Variants in CNTNAP5 observed in about 807,000 individuals in gnomAD.
CNTNAP5 encodes contactin associated protein family member 5.
CNTNAP5 carries 72 observed loss-of-function variants against 150.2 expected under a neutral mutation model. The observed-to-expected ratio is 0.48, with a 90% CI of 0.40 to 0.58. The LOEUF is 0.58. Ranked by LOEUF, CNTNAP5 falls within the 20% of genes least tolerant of loss-of-function variation. CNTNAP5 has a pLI of 0.00. For missense variants in CNTNAP5, 1,636 were observed against 1,626.2 expected (o/e 1.01, Z -0.10); for synonymous variants, 672 against 619.8 (o/e 1.08, Z -1.25).
At chr2:124,032,238 C>T (rs553423959) in intron 1 of CNTNAP5, among the ~76,000 whole-genome samples, 1 of 152,216 alleles carries the variant, frequency 6.6e-6, no homozygotes, top group African/African-American at 2.4e-5. Flanking sequence ...AAAACAAATT[C>T]ATCTAAGATT....
intron 3 of CNTNAP5, among the ~76,000 whole-genome samples, chr2:124,331,652 C>T (rs1265812904): frequency 6.6e-6 from 1 of 151,656 alleles, no homozygotes; most frequent in African/African-American, 2.4e-5. Context: ...AAATAATAGT[C>T]ATTCATTCCA....
intron 3 of CNTNAP5, among the ~76,000 whole-genome samples, chr2:124,416,052 T>TC (rs981634582): frequency 7.2e-5 from 11 of 152,182 alleles, no homozygotes; most frequent in African/African-American, 2.4e-4. Flanking sequence ...AGTTTTTTTT[T>TC]CTCTCTAATA....
intron 3 of CNTNAP5, among the ~76,000 whole-genome samples, chr2:124,384,305 A>G (rs1040232766): frequency 2.0e-5 from 3 of 152,162 alleles, no homozygotes; most frequent in African/African-American, 7.2e-5. Flanking sequence ...CTATGCATAA[A>G]ATGTATCACT....
intron 6 of CNTNAP5, among the ~76,000 whole-genome samples, chr2:124,469,723 C>T (rs1693459087): frequency 6.6e-6 from 1 of 152,104 alleles, no homozygotes; most frequent in Non-Finnish European, 1.5e-5. Flanking sequence ...CTGATGCTCT[C>T]CCTCCTCCCA....
chr2:124,780,046 C>T (rs1249144325), intron 17 of CNTNAP5, among the ~76,000 whole-genome samples: 1 of 152,130 alleles, frequency 6.6e-6, no homozygotes, highest in South Asian at 2.1e-4. Flanking sequence ...GAAGGCAGAG[C>T]TCCCCGTGCC....
At chr2:124,205,421 CT>C (rs1244599337) in intron 1 of CNTNAP5, among the ~76,000 whole-genome samples, 170 of 142,262 alleles carry the variant, frequency 1.2e-3, no homozygotes, top group Admixed American at 1.3e-3. Context: ...CTTTTCTTTT[CT>C]TTTTTTTTTT....
chr2:124,830,728 A>G (rs1192434687), intron 19 of CNTNAP5, among the ~76,000 whole-genome samples: 1 of 152,074 alleles, frequency 6.6e-6, no homozygotes, highest in Non-Finnish European at 1.5e-5. Context: ...TGGACCTTCA[A>G]GATAAACATT....
rs182191440 is a variant in CNTNAP5 at position 124,881,578 on chromosome 2, A to G, written c.3436+11816A>G. 2.6e-5 allele frequency among the ~76,000 whole-genome samples: 4 copies of G among 152,154 alleles called. No homozygotes were observed. In the East Asian group the frequency reaches 7.8e-4, roughly 30 times the overall value. The stretch of plus-strand genomic sequence containing the variant: ...CTGCTCAGCTGCTTCTGGATTTGAG[A>G]AATCCCTGTCATCAAGAACAGGGGG... On this transcript the variant is annotated intron_variant, in intron 21 of 23. Transcript: ENST00000682447.
At chr2:124,545,157 A>C (rs1695483179) in intron 10 of CNTNAP5, among the ~76,000 whole-genome samples, 1 of 152,168 alleles carries the variant, frequency 6.6e-6, no homozygotes, top group Non-Finnish European at 1.5e-5. Flanking sequence ...AACATAATCC[A>C]TTTAGTAAGG....
At chr2:124,257,915 C>G (rs776939571) in intron 3 of CNTNAP5, among the ~76,000 whole-genome samples, 1 of 152,038 alleles carries the variant, frequency 6.6e-6, no homozygotes, top group African/African-American at 2.4e-5. Context: ...GTGATAAAAC[C>G]GAAATGTTCT....
rs180749699 is a variant in CNTNAP5, at chr2:124,097,166, A to T, written c.82+71434A>T. Among the ~76,000 whole-genome samples the T allele has an allele frequency of 2.0e-5, 3 of 152,306 alleles. No individual in the cohort carries two copies. In the East Asian group the frequency reaches 5.8e-4, roughly 29 times the overall value. On this transcript the variant is annotated intron_variant, in intron 1 of 23. Coordinates refer to ENST00000682447, the MANE Select transcript of CNTNAP5 (RefSeq NM_001367498.1). ...CTCCTCAGATTCTCACCGTATCCCT[A>T]TGAGAAAAATATTTTAAGCATTTTT...
chr2:124,374,501 G>A (rs964225061), intron 3 of CNTNAP5, among the ~76,000 whole-genome samples: 4 of 152,054 alleles, frequency 2.6e-5, no homozygotes, highest in Admixed American at 2.0e-4. Context: ...TTCAAAATTT[G>A]AGCAGATGCT....
chr2:124,339,816 G>A (rs771956152), intron 3 of CNTNAP5, among the ~76,000 whole-genome samples: 5 of 152,072 alleles, frequency 3.3e-5, no homozygotes, highest in Admixed American at 3.3e-4. Context: ...GGGTGATGCC[G>A]ATTGGTTGGA....
At chr2:124,151,153 C>G (rs1169128827) in intron 1 of CNTNAP5, among the ~76,000 whole-genome samples, 1 of 152,066 alleles carries the variant, frequency 6.6e-6, no homozygotes, top group African/African-American at 2.4e-5. Flanking sequence ...GTGCACGTGT[C>G]CAATGAGTAC....
chr2:124,832,108 C>T (rs1682728569), intron 19 of CNTNAP5, among the ~76,000 whole-genome samples: 1 of 152,060 alleles, frequency 6.6e-6, no homozygotes, highest in African/African-American at 2.4e-5. Flanking sequence ...AACCTGCCAC[C>T]TTAAAATATC....
intron 1 of CNTNAP5, among the ~76,000 whole-genome samples, chr2:124,174,961 G>GA (rs1190308182): frequency 6.6e-6 from 1 of 152,164 alleles, no homozygotes; most frequent in African/African-American, 2.4e-5. Context: ...AAAACGTTAT[G>GA]ACTTGCTGAA....
Position 124,762,738 on chromosome 2 carries a change from G to A in CNTNAP5, c.2235-934G>A, listed in dbSNP as rs796436815. On this transcript the variant is annotated intron_variant, in intron 14 of 23. Transcript: ENST00000682447. ...AAAACTATGTCCTTAAAGACCTGGG[G>A]TAGATACTGGGGATACCAAGAATGT... 4.6e-4 allele frequency among the ~76,000 whole-genome samples: 70 copies of A among 152,176 alleles called. 1 individual carries two copies. The highest frequency in any genetic ancestry group is 1.6e-3 in the African/African-American group (68 of 41,532).
At chr2:124,503,451 C>G (rs1694322822) in intron 7 of CNTNAP5, among the ~76,000 whole-genome samples, 1 of 152,196 alleles carries the variant, frequency 6.6e-6, no homozygotes, top group South Asian at 2.1e-4. Flanking sequence ...TTGTGGGATC[C>G]TTACCTTTTT....
At chr2:124,765,938 AAG>A (rs1681059377) in intron 16 of CNTNAP5, among the ~76,000 whole-genome samples, 1 of 152,112 alleles carries the variant, frequency 6.6e-6, no homozygotes, top group Non-Finnish European at 1.5e-5. Context: ...CCTGGGTAAC[AAG>A]AGTGAAACTT....
Sources: gnomAD v4.1 joint callset for allele counts (sites outside exome capture counted in the v4.1 genomes callset) on GRCh38, gnomAD v4.1.1 for gene constraint, MANE v1.5 for transcripts, NCBI Gene and HGNC (gene_info 2026-07-23, HGNC 2026-07-21) for gene names.